Variants in PCDHA13 observed in about 807,000 individuals in gnomAD.
PCDHA13 encodes protocadherin alpha 13.
PCDHA13 carries 54 observed loss-of-function variants against 64.8 expected under a neutral mutation model. The observed-to-expected ratio is 0.83, with a 90% CI of 0.67 to 1.04. The LOEUF is 1.04. Ranked by LOEUF, PCDHA13 falls within the 50% of genes least tolerant of loss-of-function variation. PCDHA13 has a pLI of 0.00. For synonymous variants in PCDHA13, 587 were observed against 564.4 expected (o/e 1.04, Z -0.57); for missense variants, 1,248 against 1,254.3 (o/e 0.99, Z 0.08).
At chr5:140,968,849 G>A in intron 1 of PCDHA13, 1 of 1,614,206 alleles carries the variant, frequency 6.2e-7, no homozygotes, top group East Asian at 2.2e-5. Context: ...TCAGAGGCAT[G>A]TTAAGAGCCC....
chr5:140,907,641 C>T (rs2073511625), intron 1 of PCDHA13, among the ~76,000 whole-genome samples: 1 of 152,212 alleles, frequency 6.6e-6, no homozygotes, highest in Non-Finnish European at 1.5e-5. Context: ...CTGCTGCTGG[C>T]AAATTGGGCA....
chr5:140,947,948 T>C (rs2094196051), intron 1 of PCDHA13, among the ~76,000 whole-genome samples: 1 of 151,586 alleles, frequency 6.6e-6, no homozygotes, highest in South Asian at 2.1e-4. Context: ...AAGTGTTCCA[T>C]ATTTTACAAT....
chr5:140,981,948 G>T (rs544785800), intron 2 of PCDHA13, among the ~76,000 whole-genome samples: 26 of 152,230 alleles, frequency 1.7e-4, no homozygotes, highest in African/African-American at 6.0e-4. Context: ...TATAGGGTGG[G>T]TCATCTATGC....
At chr5:140,971,487 C>T (rs1285006281) in intron 1 of PCDHA13, among the ~76,000 whole-genome samples, 1 of 152,110 alleles carries the variant, frequency 6.6e-6, no homozygotes, top group African/African-American at 2.4e-5. Flanking sequence ...CACATTGTTA[C>T]AGTGTGGCAA....
intron 1 of PCDHA13, among the ~76,000 whole-genome samples, chr5:140,957,226 C>T (rs1421287024): frequency 1.3e-5 from 2 of 152,080 alleles, no homozygotes; most frequent in African/African-American, 4.8e-5. Context: ...TTTGGCGAAG[C>T]ATTTTGGCAT....
intron 1 of PCDHA13, chr5:140,967,281 C>G: frequency 2.5e-6 from 4 of 1,613,102 alleles, no homozygotes; most frequent in Non-Finnish European, 3.4e-6. Flanking sequence ...ATAGAGAGTG[C>G]GCAGGACCCC....
At chr5:140,915,803 A>G (rs2077309798) in intron 1 of PCDHA13, among the ~76,000 whole-genome samples, 1 of 152,026 alleles carries the variant, frequency 6.6e-6, no homozygotes, top group Admixed American at 6.6e-5. Flanking sequence ...ACTACCACCT[A>G]TGTTCACTCA....
At chr5:141,004,013 G>C (rs1327248207) in intron 3 of PCDHA13, among the ~76,000 whole-genome samples, 4 of 152,124 alleles carry the variant, frequency 2.6e-5, no homozygotes, top group African/African-American at 9.7e-5. Context: ...AGGCAGCACT[G>C]AAAGAAGAAA....
intron 1 of PCDHA13, chr5:140,967,908 A>T (rs554849478): frequency 6.2e-7 from 1 of 1,614,138 alleles, no homozygotes; most frequent in Non-Finnish European, 8.5e-7. Context: ...GCTACACCCA[A>T]CACCATTGTG....
chr5:141,006,726 A>G (rs2098284944), intron 3 of PCDHA13, among the ~76,000 whole-genome samples: 1 of 152,172 alleles, frequency 6.6e-6, no homozygotes, highest in African/African-American at 2.4e-5. Flanking sequence ...CAGAAATGAC[A>G]GGTCTTGATG....
intron 1 of PCDHA13, chr5:140,930,379 G>A (rs1249793792): frequency 1.3e-5 from 2 of 151,896 alleles, no homozygotes; most frequent in African/African-American, 2.4e-5. Context: ...GTGGCCCTTG[G>A]CATTTCAAAA....
At chr5:140,970,948 C>T (rs1339410112) in intron 1 of PCDHA13, among the ~76,000 whole-genome samples, 1 of 152,114 alleles carries the variant, frequency 6.6e-6, no homozygotes, top group Non-Finnish European at 1.5e-5. Context: ...TGCTGAGAAA[C>T]CATGGGAGGC....
chr5:140,979,807 A>T (rs376087021), intron 2 of PCDHA13, among the ~76,000 whole-genome samples: 2 of 152,258 alleles, frequency 1.3e-5, no homozygotes, highest in African/African-American at 4.8e-5. Flanking sequence ...CACAACTATC[A>T]AAAGGATTTA....
intron 1 of PCDHA13, chr5:140,926,951 G>A: frequency 3.8e-6 from 6 of 1,596,266 alleles, no homozygotes; most frequent in South Asian, 1.1e-5. Context: ...GCTGCAGCGG[G>A]ACAGCTCGAG....
intron 3 of PCDHA13, among the ~76,000 whole-genome samples, chr5:140,994,367 G>C (rs2097617491): frequency 6.6e-6 from 1 of 152,110 alleles, no homozygotes; most frequent in African/African-American, 2.4e-5. Context: ...AGATGGAATT[G>C]GAAATTCAGG....
intron 1 of PCDHA13, among the ~76,000 whole-genome samples, chr5:140,935,913 GACAGATTC>G (rs1178474379): frequency 8.0e-6 from 1 of 125,106 alleles, no homozygotes; most frequent in Admixed American, 8.3e-5. Context: ...TTTTTTTTGA[GACAGATTC>G]TCATTCTGTT....
intron 1 of PCDHA13, chr5:140,928,142 C>T (rs2084978114): frequency 1.9e-6 from 3 of 1,614,170 alleles, no homozygotes; most frequent in East Asian, 2.2e-5. Flanking sequence ...CTGATCACGG[C>T]CTCAGATAGT....
At chr5:140,912,648 A>G (rs1161381718) in intron 1 of PCDHA13, among the ~76,000 whole-genome samples, 1 of 152,164 alleles carries the variant, frequency 6.6e-6, no homozygotes, top group African/African-American at 2.4e-5. Flanking sequence ...TATGTTGAAT[A>G]GAAGTGGTGA....
rs782426631 is a variant in PCDHA13, at chr5:140,982,476, T to G, written c.2455T>G (p.Ser819Ala). The change falls in exon 3 of 4, where the codon TCT becomes GCT. Residue 819 changes from serine to alanine, a missense_variant and splice_region_variant. By Grantham distance (99) the Ser-to-Ala change is moderately conservative (BLOSUM62 1). Coordinates refer to ENST00000289272, the MANE Select transcript of PCDHA13 (RefSeq NM_018904.3). The part of the protein sequence containing the change: ...SASLRAGMHS[S>A]VHLEEAGILR... Reference sequence around the variant, plus strand: ...ATCTGGGTCTGTGTGTTTATTCAGCTCTGTGCACCTAGAGGAGGCTGGCAT... The same window carrying G: ...ATCTGGGTCTGTGTGTTTATTCAGCGCTGTGCACCTAGAGGAGGCTGGCAT... 9.3e-6 allele frequency: 15 copies of G among 1,614,064 alleles called. No individual in the cohort carries two copies. The African/African-American group carries it at 2.0e-4, about 22-fold the overall frequency.
Sources: allele counts gnomAD v4.1 joint callset (sites outside exome capture counted in the v4.1 genomes callset), GRCh38; gene constraint gnomAD v4.1.1; transcripts MANE v1.5; gene names NCBI Gene and HGNC (gene_info 2026-07-23, HGNC 2026-07-21).